Variants in SLC9A9 observed in about 807,000 individuals in gnomAD.
SLC9A9 encodes the protein solute carrier family 9 member A9.
Under a neutral mutation model 77.8 loss-of-function variants are expected in SLC9A9, and 62 were observed. The observed-to-expected ratio is 0.80, with a 90% CI of 0.65 to 0.98. The LOEUF (loss-of-function observed/expected upper bound fraction) is 0.98. Among genes scored for constraint, SLC9A9 ranks in the 50% least tolerant of loss-of-function variants. SLC9A9 has a pLI of 0.00. For synonymous variants in SLC9A9, 320 were observed against 283.5 expected (o/e 1.13, Z -1.29); for missense variants, 775 against 774.9 (o/e 1.00, Z 0.00).
At chr3:143,753,600 G>A (rs991270687) in intron 4 of SLC9A9, among the ~76,000 whole-genome samples, 1 of 152,184 alleles carries the variant, frequency 6.6e-6, no homozygotes, top group African/African-American at 2.4e-5. Flanking sequence ...GTTATCTAGA[G>A]GGTGCTGCAG....
At chr3:143,614,092 A>C (rs968930867) in intron 6 of SLC9A9, among the ~76,000 whole-genome samples, 1 of 152,172 alleles carries the variant, frequency 6.6e-6, no homozygotes, top group African/African-American at 2.4e-5. Context: ...CCTCAGCTCC[A>C]CAGCAGAAAC....
At chr3:143,371,371 G>A (rs1292825441) in intron 13 of SLC9A9, among the ~76,000 whole-genome samples, 2 of 152,114 alleles carry the variant, frequency 1.3e-5, no homozygotes, top group African/African-American at 4.8e-5. Flanking sequence ...TATCAAGGAA[G>A]GCAAGCATAG....
Position 143,537,084 on chromosome 3 carries a change from T to A in SLC9A9, c.1089+15278A>T, listed in dbSNP as rs181053718. Reference sequence around the variant, plus strand: ...ACTCACTTGGACAGTTTGGCTCTGATCTGCTGAATCCAAAACCACACCTGC... The same window carrying A: ...ACTCACTTGGACAGTTTGGCTCTGAACTGCTGAATCCAAAACCACACCTGC... On this transcript the variant is annotated intron_variant, in intron 9 of 15. Coordinates refer to ENST00000316549, the MANE Select transcript of SLC9A9 (RefSeq NM_173653.4). 1.6e-4 allele frequency among the ~76,000 whole-genome samples: 25 copies of A among 152,318 alleles called. No homozygotes were observed. In the East Asian group the frequency reaches 4.6e-3, roughly 28 times the overall value.
intron 6 of SLC9A9, among the ~76,000 whole-genome samples, chr3:143,597,767 C>T (rs994074182): frequency 3.9e-5 from 6 of 152,208 alleles, no homozygotes; most frequent in African/African-American, 1.4e-4. Flanking sequence ...TTTACACTTA[C>T]TGGCAGGCAG....
chr3:143,704,040 C>T (rs981864850), intron 4 of SLC9A9, among the ~76,000 whole-genome samples: 1 of 152,048 alleles, frequency 6.6e-6, no homozygotes, highest in African/African-American at 2.4e-5. Context: ...TTGGATTGGT[C>T]CTAAACAGAC....
chr3:143,838,400 G>A lies in SLC9A9; in HGVS notation c.176-6179C>T, dbSNP rs535475293. On this transcript the variant is annotated intron_variant, in intron 1 of 15. Coordinates refer to ENST00000316549, the MANE Select transcript of SLC9A9 (RefSeq NM_173653.4). Reference sequence around the variant, plus strand: ...CTTTGGCACAGCAGAGGACTGGAGAGTGTTCAGGAGGGAGAGGGTGTTGGC... The same window carrying A: ...CTTTGGCACAGCAGAGGACTGGAGAATGTTCAGGAGGGAGAGGGTGTTGGC... 2.6e-5 allele frequency among the ~76,000 whole-genome samples: 4 copies of A among 152,306 alleles called. No individual in the cohort carries two copies. In the East Asian group the frequency reaches 7.7e-4, roughly 29 times the overall value.
At chr3:143,581,235 G>A (rs982371386) in intron 6 of SLC9A9, among the ~76,000 whole-genome samples, 8 of 152,188 alleles carry the variant, frequency 5.3e-5, no homozygotes, top group African/African-American at 1.7e-4. Context: ...AAGGAGGCAG[G>A]TGAGTTCAGG....
At chr3:143,583,742 T>G (rs1297744793) in intron 6 of SLC9A9, among the ~76,000 whole-genome samples, 1 of 152,218 alleles carries the variant, frequency 6.6e-6, no homozygotes, top group Admixed American at 6.5e-5. Context: ...TAAGCATTTC[T>G]TAAATAAATC....
chr3:143,777,878 C>T (rs2007744089), intron 4 of SLC9A9, among the ~76,000 whole-genome samples: 1 of 151,688 alleles, frequency 6.6e-6, no homozygotes, highest in Non-Finnish European at 1.5e-5. Context: ...CCACACCTGG[C>T]TAATTTTTGT....
chr3:143,382,113 C>G lies in SLC9A9; in HGVS notation c.1471G>C (p.Val491Leu). 1.2e-6 allele frequency: 2 copies of G among 1,614,120 alleles called. No homozygotes were observed. Among genetic ancestry groups the G allele is most frequent in the Non-Finnish European group, 1.7e-6 (2 of 1,179,982 alleles). ...AGATTTTCATCCAGGTCCACGCCAA[C>G]TCTGTTAAACAAAACCAAAAACTGG... Reference protein sequence around the residue: ...TPMLTWLQIRVGVDLDENLKE... With the variant: ...TPMLTWLQIRLGVDLDENLKE... Residue 491 changes from valine (V) to leucine (L), a missense_variant and splice_region_variant, in exon 13 of 16, where the codon GTT becomes CTT. Transcript: ENST00000316549.
At chr3:143,699,340 A>C (rs370500603) in intron 4 of SLC9A9, among the ~76,000 whole-genome samples, 1 of 149,064 alleles carries the variant, frequency 6.7e-6, no homozygotes, top group African/African-American at 2.5e-5. Flanking sequence ...ACAAAAAAAA[A>C]GCAACTTAAT....
chr3:143,409,607 G>C (rs562038524), intron 12 of SLC9A9, among the ~76,000 whole-genome samples: 1 of 152,328 alleles, frequency 6.6e-6, no homozygotes, highest in Middle Eastern at 3.4e-3. Flanking sequence ...GCATCAAAGA[G>C]AAAGTCAAGA....
Position 143,266,196 on chromosome 3 carries a change from C to A in SLC9A9, c.*506G>T. The A allele has an allele frequency of 3.0e-6, 2 of 671,576 alleles. No individual in the cohort carries two copies. The highest frequency in any genetic ancestry group is 5.4e-6 in the Non-Finnish European group (2 of 371,282). The allele number at this position is 671,576 out of a possible 1,614,324, so 41.6% of individuals were successfully genotyped here. A position where few individuals can be genotyped will look rare whatever the true frequency, so the allele number is the denominator to read the frequency against. ...ACTTCTCTGGGCTCTGCCCTGGGGT[C>A]ACTGAGAGCAAATGGGAGTCAAGTC... On this transcript the variant is annotated 3_prime_UTR_variant, in exon 16 of 16. Coordinates refer to ENST00000316549, the MANE Select transcript of SLC9A9 (RefSeq NM_173653.4).
At chr3:143,644,743 C>T (rs2038676294) in intron 6 of SLC9A9, among the ~76,000 whole-genome samples, 1 of 151,880 alleles carries the variant, frequency 6.6e-6, no homozygotes, top group Non-Finnish European at 1.5e-5. Context: ...ACAAGGAGTC[C>T]TTAAGCAAAA....
At chr3:143,501,283 A>G (rs1438769156) in intron 9 of SLC9A9, among the ~76,000 whole-genome samples, 1 of 150,852 alleles carries the variant, frequency 6.6e-6, no homozygotes. Flanking sequence ...ATTGTTAAAT[A>G]ATAAACAATT....
intron 8 of SLC9A9, among the ~76,000 whole-genome samples, chr3:143,571,099 G>A (rs908598966): frequency 2.6e-5 from 4 of 152,138 alleles, no homozygotes; most frequent in African/African-American, 4.8e-5. Context: ...CTCACTAGAC[G>A]GATGTTCTTG....
intron 9 of SLC9A9, among the ~76,000 whole-genome samples, chr3:143,515,426 A>G (rs75854474): frequency 0.02 from 3,090 of 152,332 alleles, 100 homozygotes; most frequent in African/African-American, 0.069. Flanking sequence ...TAAAAATTGC[A>G]GTATCTGTAA....
chr3:143,381,949 G>A, intron 13 of SLC9A9, 111 bp downstream of exon 13: 1 of 1,235,596 alleles, frequency 8.1e-7, no homozygotes, highest in South Asian at 1.2e-5. Context: ...ATCAGCAGAG[G>A]AAGCTCCGTT....
chr3:143,585,481 G>T (rs1279268860), intron 6 of SLC9A9, among the ~76,000 whole-genome samples: 1 of 152,110 alleles, frequency 6.6e-6, no homozygotes, highest in Non-Finnish European at 1.5e-5. Context: ...CTGAACCAAT[G>T]TACATCTTAC....
Sources: allele counts gnomAD v4.1 joint callset (sites outside exome capture counted in the v4.1 genomes callset), GRCh38; gene constraint gnomAD v4.1.1; transcripts MANE v1.5; gene names NCBI Gene and HGNC (gene_info 2026-07-23, HGNC 2026-07-21).